RBKS: variants seen among roughly 807,000 people sequenced by gnomAD.
The protein encoded by RBKS is ribokinase.
In RBKS, 33 loss-of-function variants were observed where a neutral mutation model predicts 33.9. The ratio of observed to expected loss-of-function variants is 0.97; its 90% CI spans 0.74 to 1.30. RBKS has a LOEUF of 1.30. Ranked by LOEUF, RBKS falls within the 50% of genes most tolerant of loss-of-function variation. The pLI, the probability that RBKS is intolerant of heterozygous loss-of-function variation, is 0.00. For synonymous variants in RBKS, 125 were observed against 143.0 expected (o/e 0.87, Z 0.90); for missense variants, 361 against 392.6 (o/e 0.92, Z 0.68).
At chr2:27,808,240 T>C (rs895741612) in intron 7 of RBKS, among the ~76,000 whole-genome samples, 5 of 152,254 alleles carry the variant, frequency 3.3e-5, no homozygotes, top group Non-Finnish European at 7.3e-5. Flanking sequence ...CGAATGACAC[T>C]GATCTTCTGA....
In RBKS at chr2:27,795,914, G is replaced by C. The variant is rs1320285612; in HGVS notation, c.796-14126C>G. The stretch of plus-strand genomic sequence containing the variant: ...ACAATCTGAACTCTCTTTAGGGCAG[G>C]GACTACTTTTCTGTCCCCTCTGTTT... On this transcript the variant is annotated intron_variant, in intron 7 of 7. Transcript: ENST00000302188. This position sits in a 1 kb window ranked among gnomAD's most constrained non-coding sequence, Gnocchi z 4.1. 6.6e-6 allele frequency among the ~76,000 whole-genome samples: 1 copy of C among 152,134 alleles called. No homozygotes were observed.
Position 27,858,679 on chromosome 2 carries a change from C to G in RBKS, c.90-108G>C, listed in dbSNP as rs1465930836. 3 of 920,866 alleles carry G rather than the reference C, an allele frequency of 3.3e-6. No individual in the cohort carries two copies. In the African/African-American group the frequency reaches 5.0e-5, roughly 15 times the overall value. 57.0% of individuals were successfully genotyped at this position (920,866 alleles called of 1,614,324 possible). Reference sequence around the variant, plus strand: ...ATGGTAGAGCTCTAAATAGTCTTAACAATTAGAACTATAAGCAGAAGCAAC... The same window carrying G: ...ATGGTAGAGCTCTAAATAGTCTTAAGAATTAGAACTATAAGCAGAAGCAAC... On this transcript the variant is annotated intron_variant, in intron 1 of 7. Coordinates refer to ENST00000302188, the MANE Select transcript of RBKS (RefSeq NM_022128.3).
chr2:27,847,251 T>C, intron 3 of RBKS, 147 bp from the exon 4 acceptor site: 1 of 549,326 alleles, frequency 1.8e-6, no homozygotes, highest in African/African-American at 1.9e-5. Context: ...TAATTAGTGC[T>C]AATTTATACC....
intron 1 of RBKS, among the ~76,000 whole-genome samples, chr2:27,864,434 G>C (rs192815822): frequency 6.6e-6 from 1 of 152,298 alleles, no homozygotes; most frequent in East Asian, 1.9e-4. Flanking sequence ...CTTTCACAAT[G>C]TCATATCCTT....
chr2:27,810,531 C>T lies in RBKS; in HGVS notation c.795+17036G>A, dbSNP rs147323610. 6.4e-4 allele frequency among the ~76,000 whole-genome samples: 98 copies of T among 152,292 alleles called. No homozygotes were observed. The highest frequency in any genetic ancestry group is 1.9e-3 in the African/African-American group (78 of 41,566). On this transcript the variant is annotated intron_variant, in intron 7 of 7. Transcript: ENST00000302188. This position sits in a 1 kb window ranked among gnomAD's most constrained non-coding sequence, Gnocchi z 4.4. ...TTTCTGTGCTATCTGCAGAGAATCACTGATGACAGGAACTCTTTCTAGTGG... is the reference window on the plus strand; with the variant it reads ...TTTCTGTGCTATCTGCAGAGAATCATTGATGACAGGAACTCTTTCTAGTGG...
intron 1 of RBKS, among the ~76,000 whole-genome samples, chr2:27,886,303 G>A (rs2148235001): frequency 6.6e-6 from 1 of 152,294 alleles, no homozygotes; most frequent in Middle Eastern, 3.4e-3. Context: ...GGGCTTGGAT[G>A]CCATCTAAAA....
intron 7 of RBKS, among the ~76,000 whole-genome samples, chr2:27,821,580 T>A (rs1170409520): frequency 6.6e-6 from 1 of 152,232 alleles, no homozygotes; most frequent in Non-Finnish European, 1.5e-5. Context: ...CCTTTCTGTG[T>A]TGCTGCTCTC....
At chr2:27,867,331 A>T (rs10171499) in intron 1 of RBKS, among the ~76,000 whole-genome samples, 151,075 of 152,224 alleles carry the variant, frequency 0.99, 74,974 homozygotes, top group East Asian at 1. Flanking sequence ...AAAGTTGAGA[A>T]GACAGATGCC....
chr2:27,846,200 T>C (rs567054736), intron 4 of RBKS, among the ~76,000 whole-genome samples: 1 of 152,356 alleles, frequency 6.6e-6, no homozygotes, highest in South Asian at 2.1e-4. Flanking sequence ...ACTCCTGACC[T>C]CAAATGATCC....
chr2:27,852,254 T>A (rs773193556), intron 2 of RBKS, among the ~76,000 whole-genome samples: 2 of 152,242 alleles, frequency 1.3e-5, no homozygotes, highest in Non-Finnish European at 2.9e-5. Context: ...TTCTGCCCAA[T>A]ACAGACACTC....
intron 7 of RBKS, among the ~76,000 whole-genome samples, chr2:27,816,324 G>A (rs1678091744): frequency 1.3e-5 from 2 of 152,232 alleles, no homozygotes; most frequent in African/African-American, 4.8e-5. Flanking sequence ...CATGACAGAT[G>A]TCTTGTGCCT....
At chr2:27,815,020 C>T (rs1678060425) in intron 7 of RBKS, among the ~76,000 whole-genome samples, 1 of 152,184 alleles carries the variant, frequency 6.6e-6, no homozygotes. Context: ...GCAAAGTATA[C>T]ACACCATTAA....
intron 1 of RBKS, among the ~76,000 whole-genome samples, chr2:27,884,232 T>G (rs1181622009): frequency 6.6e-6 from 1 of 152,218 alleles, no homozygotes; most frequent in Non-Finnish European, 1.5e-5. Flanking sequence ...CAAACTTTGA[T>G]AGGTACAGTA....
chr2:27,858,258 A>G (rs989578388), intron 2 of RBKS, among the ~76,000 whole-genome samples, 181 bp downstream of exon 2: 6 of 152,230 alleles, frequency 3.9e-5, no homozygotes, highest in African/African-American at 1.4e-4. Context: ...TTGTTTTGGA[A>G]TGATGGTAAA....
intron 1 of RBKS, among the ~76,000 whole-genome samples, chr2:27,860,897 G>T (rs779614761): frequency 2.6e-5 from 4 of 152,088 alleles, no homozygotes; most frequent in Non-Finnish European, 5.9e-5. Flanking sequence ...CACTTGACAC[G>T]AGGTTAACAG....
intron 7 of RBKS, among the ~76,000 whole-genome samples, chr2:27,806,229 G>T (rs1010829443): frequency 6.6e-6 from 1 of 152,208 alleles, no homozygotes; most frequent in Non-Finnish European, 1.5e-5. Context: ...GTAGCTACTA[G>T]TCAGGCAATG....
intron 7 of RBKS, among the ~76,000 whole-genome samples, chr2:27,802,013 T>C (rs1341998114): frequency 1.6e-5 from 2 of 122,012 alleles, no homozygotes; most frequent in East Asian, 4.5e-4. Flanking sequence ...TTTTTTTTTT[T>C]TTTTTTTAGA....
At chr2:27,825,627 G>T (rs1451412160) in intron 7 of RBKS, among the ~76,000 whole-genome samples, 2 of 152,194 alleles carry the variant, frequency 1.3e-5, no homozygotes, top group East Asian at 3.8e-4. Flanking sequence ...CACAGCGTGG[G>T]TAGGGAGTGG....
At chr2:27,844,392 TA>T (rs200738087) in intron 4 of RBKS, among the ~76,000 whole-genome samples, 2,025 of 151,648 alleles carry the variant, frequency 0.013, 53 homozygotes, top group African/African-American at 0.046. Flanking sequence ...TTTTAAAAAT[TA>T]AAAAAAAATT....
Sources: gnomAD v4.1 joint callset for allele counts (sites outside exome capture counted in the v4.1 genomes callset) on GRCh38, gnomAD v4.1.1 for gene constraint, Gnocchi (gnomAD v3.1) non-coding constraint, MANE v1.5 for transcripts, NCBI Gene and HGNC (gene_info 2026-07-23, HGNC 2026-07-21) for gene names.